GRM1: variants seen among roughly 807,000 people sequenced by gnomAD.
GRM1 encodes the protein metabotropic glutamate receptor 1.
Under a neutral mutation model 90.9 loss-of-function variants are expected in GRM1, and 33 were observed. The observed-to-expected ratio is 0.36, with a 90% confidence interval of 0.28 to 0.49. The LOEUF is 0.49. Ranked by LOEUF, GRM1 falls within the 20% of genes least tolerant of loss-of-function variation. The pLI, the probability that GRM1 is intolerant of heterozygous loss-of-function variation, is 0.99. For synonymous variants in GRM1, 700 were observed against 613.2 expected (o/e 1.14, Z -2.09); for missense variants, 1,190 against 1,534.3 (o/e 0.78, Z 3.75).
chr6:146,033,612 T>A (rs1203775311), intron 1 of GRM1, among the ~76,000 whole-genome samples: 1 of 152,124 alleles, frequency 6.6e-6, no homozygotes, highest in Non-Finnish European at 1.5e-5. Context: ...GATATAATAA[T>A]GAATTTAGTG....
At chr6:146,240,683 C>A (rs1030578413) in intron 2 of GRM1, among the ~76,000 whole-genome samples, 2 of 152,122 alleles carry the variant, frequency 1.3e-5, no homozygotes, top group African/African-American at 4.8e-5. Flanking sequence ...ATGGAGAAGG[C>A]TCTGGAAGGG....
At chr6:146,202,960 C>T (rs1402980381) in intron 2 of GRM1, among the ~76,000 whole-genome samples, 1 of 152,020 alleles carries the variant, frequency 6.6e-6, no homozygotes, top group Non-Finnish European at 1.5e-5. Flanking sequence ...CTTTGGGAGG[C>T]CAAGGCGGGC....
At chr6:146,393,692 A>C (rs955974715) in intron 6 of GRM1, among the ~76,000 whole-genome samples, 4 of 152,168 alleles carry the variant, frequency 2.6e-5, no homozygotes, top group African/African-American at 9.7e-5. Context: ...CATACTGCCC[A>C]AAGTAATTTA....
At position 146,349,547 on chromosome 6, in the gene GRM1, C is replaced by G. The variant is rs192734672; in HGVS notation, c.1187-2703C>G. ...ACATGATACTGTCTCAACATACCCA[C>G]TTTTTCTTTCCTGTTCTCTTGTATT... On this transcript the variant is annotated intron_variant, in intron 3 of 7. Transcript: ENST00000282753. Among the ~76,000 whole-genome samples the G allele has an allele frequency of 8.5e-4, 129 of 152,262 alleles. 1 individual carries two copies. Among genetic ancestry groups the G allele is most frequent in the African/African-American group, 3.0e-3 (126 of 41,544 alleles).
chr6:146,313,732 G>A (rs6570755), intron 3 of GRM1, among the ~76,000 whole-genome samples: 35,975 of 151,844 alleles, frequency 0.24, 9,126 homozygotes, highest in African/African-American at 0.64. Context: ...CACATTTAAA[G>A]TGCACCAAAA....
intron 1 of GRM1, among the ~76,000 whole-genome samples, chr6:146,039,782 G>A (rs961978113): frequency 1.3e-5 from 2 of 151,990 alleles, no homozygotes; most frequent in African/African-American, 4.8e-5. Context: ...TAGCAGGGAG[G>A]TTAGTGTTTA....
At chr6:146,391,055 G>A (rs1483599693) in intron 6 of GRM1, among the ~76,000 whole-genome samples, 1 of 152,092 alleles carries the variant, frequency 6.6e-6, no homozygotes, top group Non-Finnish European at 1.5e-5. Context: ...TGATCATGAT[G>A]TAGTATTGCA....
At chr6:146,223,562 A>G (rs1780141746) in intron 2 of GRM1, among the ~76,000 whole-genome samples, 1 of 152,124 alleles carries the variant, frequency 6.6e-6, no homozygotes. Context: ...AGGAGGAAAC[A>G]ATAAAAAGTT....
chr6:146,167,745 C>T lies in GRM1; in HGVS notation c.950+8148C>T, dbSNP rs1002200891. On this transcript the variant is annotated intron_variant, in intron 2 of 7. Transcript: ENST00000282753. The stretch of plus-strand genomic sequence containing the variant: ...TGGATTTTCAGGTTGTTTATCTTCT[C>T]ATTATGGAGTCGTAAAAGTTATTTA... Among the ~76,000 whole-genome samples, 12 of 152,006 alleles carry T rather than the reference C, an allele frequency of 7.9e-5. 1 individual carries two copies. The highest frequency in any genetic ancestry group is 2.2e-4 in the African/African-American group (9 of 41,392).
At chr6:146,050,410 C>A (rs1302871367) in intron 1 of GRM1, among the ~76,000 whole-genome samples, 1 of 152,024 alleles carries the variant, frequency 6.6e-6, no homozygotes, top group African/African-American at 2.4e-5. Context: ...TAGCTACACA[C>A]TGATTTGTTT....
chr6:146,154,744 C>T (rs1183514250), intron 1 of GRM1, among the ~76,000 whole-genome samples: 1 of 152,128 alleles, frequency 6.6e-6, no homozygotes, highest in Non-Finnish European at 1.5e-5. Flanking sequence ...TAAATAATTG[C>T]TGCATTTACC....
chr6:146,170,054 A>C (rs957085047), intron 2 of GRM1, among the ~76,000 whole-genome samples: 9 of 152,130 alleles, frequency 5.9e-5, no homozygotes, highest in Admixed American at 2.0e-4. Flanking sequence ...ATTCTTGGCT[A>C]ACAACTTTTT....
In GRM1 at chr6:146,136,989, A is replaced by G. The variant is rs377252674; in HGVS notation, c.701-22359A>G. Among the ~76,000 whole-genome samples, 15 of 151,030 alleles carry G rather than the reference A, an allele frequency of 9.9e-5. No homozygotes were observed. In the East Asian group the frequency reaches 2.6e-3, roughly 26 times the overall value. Reference sequence around the variant, plus strand: ...TGCCTCAGCCTCCCAAGTAGCTGGTATTACAGGCATGCACCACCACACCCG... The same window carrying G: ...TGCCTCAGCCTCCCAAGTAGCTGGTGTTACAGGCATGCACCACCACACCCG... On this transcript the variant is annotated intron_variant, in intron 1 of 7. Transcript: ENST00000282753.
chr6:146,085,901 T>C (rs1776526719), intron 1 of GRM1, among the ~76,000 whole-genome samples: 1 of 152,144 alleles, frequency 6.6e-6, no homozygotes, highest in African/African-American at 2.4e-5. Context: ...TATACTCTGA[T>C]ATGACTGCTG....
chr6:146,143,326 G>A (rs1311330676), intron 1 of GRM1, among the ~76,000 whole-genome samples: 1 of 152,090 alleles, frequency 6.6e-6, no homozygotes, highest in African/African-American at 2.4e-5. Context: ...TAAAATGTGG[G>A]GTTAAATAGG....
chr6:146,359,686 C>A (rs938729207), intron 5 of GRM1, among the ~76,000 whole-genome samples: 7 of 152,262 alleles, frequency 4.6e-5, no homozygotes, highest in African/African-American at 1.7e-4. Context: ...AGAGGAGAGG[C>A]CTTTGTTCTC....
chr6:146,328,752 C>A (rs1256908403), intron 3 of GRM1, among the ~76,000 whole-genome samples: 1 of 152,108 alleles, frequency 6.6e-6, no homozygotes, highest in African/African-American at 2.4e-5. Flanking sequence ...AATTCTTCAC[C>A]TTTCCAGTTG....
Position 146,086,297 on chromosome 6 carries a change from AT to A in GRM1, c.700+56081del, listed in dbSNP as rs372204630. Among the ~76,000 whole-genome samples, 218 of 152,262 alleles carry A rather than the reference AT, an allele frequency of 1.4e-3. 1 individual carries two copies. The highest frequency in any genetic ancestry group is 5.1e-3 in the African/African-American group (211 of 41,554). ...CCCAGGTCATTTCACTGAATCGCAC[AT>A]GTCTGTTTAAAACTTCAGCTTTCTC... On this transcript the variant is annotated intron_variant, in intron 1 of 7. Coordinates refer to ENST00000282753, the MANE Select transcript of GRM1 (RefSeq NM_001278064.2).
intron 1 of GRM1, among the ~76,000 whole-genome samples, chr6:146,063,735 C>T (rs1775751939): frequency 6.6e-6 from 1 of 151,962 alleles, no homozygotes; most frequent in South Asian, 2.1e-4. Flanking sequence ...GATATTAATA[C>T]TATATATTAA....
Sources: allele counts gnomAD v4.1 joint callset (sites outside exome capture counted in the v4.1 genomes callset), GRCh38; gene constraint gnomAD v4.1.1; transcripts MANE v1.5; gene names NCBI Gene and HGNC (gene_info 2026-07-23, HGNC 2026-07-21).